NR3C2: variants seen among roughly 807,000 people sequenced by gnomAD.
The protein encoded by NR3C2 is nuclear receptor subfamily 3 group C member 2.
Under a neutral mutation model 86.4 loss-of-function variants are expected in NR3C2, and 15 were observed. The observed-to-expected ratio is 0.17, with a 90% confidence interval of 0.12 to 0.27. The LOEUF (loss-of-function observed/expected upper bound fraction) is 0.27, where lower values mean the gene tolerates loss of function less well. Among genes scored for constraint, NR3C2 ranks in the 10% least tolerant of loss-of-function variants. NR3C2 has a pLI of 1.00. For synonymous variants in NR3C2, 458 were observed against 450.5 expected (o/e 1.02, Z -0.21); for missense variants, 960 against 1,195.6 (o/e 0.80, Z 2.91).
intron 4 of NR3C2, among the ~76,000 whole-genome samples, chr4:148,179,782 G>T (rs17483833): frequency 0.18 from 27,322 of 151,682 alleles, 2,903 homozygotes; most frequent in Middle Eastern, 0.3. Flanking sequence ...AGCCAATCCT[G>T]AATTTCCTCC....
At position 148,168,554 on chromosome 4, in the gene NR3C2, T is replaced by C. The variant is rs1578965296; in HGVS notation, c.2015-13653A>G. ...CCAGAACTGTTATGTAGGAGGGACT[T>C]AGAGAAATGTGTGAAAACACATTTG... On this transcript the variant is annotated intron_variant, in intron 4 of 8. Coordinates refer to ENST00000358102, the MANE Select transcript of NR3C2 (RefSeq NM_000901.5). Among the ~76,000 whole-genome samples, 4 of 152,300 alleles carry C rather than the reference T, an allele frequency of 2.6e-5. No homozygotes were observed. In the South Asian group the frequency reaches 6.2e-4, roughly 24 times the overall value.
intron 2 of NR3C2, among the ~76,000 whole-genome samples, chr4:148,321,978 G>A (rs1438651354): frequency 6.6e-6 from 1 of 152,150 alleles, no homozygotes; most frequent in African/African-American, 2.4e-5. Context: ...TAGTCTTGAT[G>A]GTCTTTACAT....
At chr4:148,135,660 T>A (rs1486759478) in intron 6 of NR3C2, among the ~76,000 whole-genome samples, 1 of 151,364 alleles carries the variant, frequency 6.6e-6, no homozygotes. Context: ...GAAATTTCAC[T>A]GATTTTAAGA....
intron 6 of NR3C2, among the ~76,000 whole-genome samples, chr4:148,133,483 C>G (rs1315255774): frequency 6.6e-6 from 1 of 152,156 alleles, no homozygotes; most frequent in African/African-American, 2.4e-5. Context: ...TACTTGATAA[C>G]TTTGTTCACA....
At chr4:148,144,197 A>G (rs1379450042) in intron 6 of NR3C2, among the ~76,000 whole-genome samples, 1 of 151,956 alleles carries the variant, frequency 6.6e-6, no homozygotes, top group Non-Finnish European at 1.5e-5. Flanking sequence ...AAATGTCTGG[A>G]AATGACTTTT....
intron 2 of NR3C2, among the ~76,000 whole-genome samples, chr4:148,322,946 A>T (rs1360501410): frequency 5.5e-5 from 8 of 146,348 alleles, no homozygotes; most frequent in Non-Finnish European, 1.2e-4. Flanking sequence ...TTGGAGGAGG[A>T]GAGGCGCTCT....
chr4:148,276,364 G>A (rs1160973542), intron 2 of NR3C2, among the ~76,000 whole-genome samples: 1 of 152,070 alleles, frequency 6.6e-6, no homozygotes, highest in Non-Finnish European at 1.5e-5. Context: ...ACTCTGATGT[G>A]CATCTTATCA....
rs566874114 is a variant in NR3C2 at position 148,305,955 on chromosome 4, G to A, written c.1758-45838C>T. On this transcript the variant is annotated intron_variant, in intron 2 of 8. Transcript: ENST00000358102. ...AAAAGAGACTCGCCAGAGCTAGAAG[G>A]CCATGGAAAGGATTCTGAGGACAGA... is the stretch of plus-strand genomic sequence containing the variant. 5.3e-5 allele frequency among the ~76,000 whole-genome samples: 8 copies of A among 152,302 alleles called. No homozygotes were observed. The East Asian group carries it at 1.5e-3, about 29-fold the overall frequency.
chr4:148,359,449 C>G (rs1272894273), intron 2 of NR3C2, among the ~76,000 whole-genome samples: 1 of 152,168 alleles, frequency 6.6e-6, no homozygotes, highest in African/African-American at 2.4e-5. Flanking sequence ...TTCCCCACAA[C>G]AAAGGATTCT....
chr4:148,278,107 TG>T (rs1741046836), intron 2 of NR3C2, among the ~76,000 whole-genome samples: 1 of 152,106 alleles, frequency 6.6e-6, no homozygotes, highest in South Asian at 2.1e-4. Context: ...TTTGTTTGTT[TG>T]TTTGTTTGTT....
chr4:148,275,839 G>A (rs6812904), intron 2 of NR3C2, among the ~76,000 whole-genome samples: 77,319 of 151,964 alleles, frequency 0.51, 21,059 homozygotes, highest in African/African-American at 0.71. Flanking sequence ...CCAAGAGTCA[G>A]GGGACATCAA....
At chr4:148,191,000 G>A (rs549873091) in intron 4 of NR3C2, among the ~76,000 whole-genome samples, 2 of 151,916 alleles carry the variant, frequency 1.3e-5, no homozygotes, top group South Asian at 2.1e-4. Flanking sequence ...GTGAAGTACC[G>A]TTGCATTCAT....
chr4:148,154,942 G>A (rs1272504677), intron 4 of NR3C2, 41 bp from the exon 5 acceptor site: 10 of 1,476,798 alleles, frequency 6.8e-6, no homozygotes, highest in Non-Finnish European at 4.6e-6. Flanking sequence ...TTAAAATTAT[G>A]TTTGAAATAT....
At chr4:148,183,993 T>A (rs528010968) in intron 4 of NR3C2, among the ~76,000 whole-genome samples, 1 of 152,038 alleles carries the variant, frequency 6.6e-6, no homozygotes, top group Non-Finnish European at 1.5e-5. Context: ...GCCGCAGGTA[T>A]CTAGTAGGTA....
At chr4:148,148,451 T>C (rs1733966308) in intron 6 of NR3C2, among the ~76,000 whole-genome samples, 1 of 152,194 alleles carries the variant, frequency 6.6e-6, no homozygotes, top group Non-Finnish European at 1.5e-5. Context: ...TGTCACCCCA[T>C]CACTTAGAAC....
intron 8 of NR3C2, among the ~76,000 whole-genome samples, chr4:148,083,091 A>C (rs1190727597): frequency 6.6e-6 from 1 of 152,174 alleles, no homozygotes; most frequent in Non-Finnish European, 1.5e-5. Flanking sequence ...GGGCTTATAG[A>C]TAAAACCCCA....
At position 148,079,627 on chromosome 4, in the gene NR3C2, TTG is replaced by T. The variant is rs1479646706; in HGVS notation, c.*1715_*1716del. 6.6e-6 allele frequency: 1 copy of T among 152,598 alleles called. No homozygotes were observed. The highest frequency in any genetic ancestry group is 2.4e-5 in the African/African-American group (1 of 41,426). 9.5% of individuals were successfully genotyped at this position (152,598 alleles called of 1,614,324 possible). A position where few individuals can be genotyped will look rare whatever the true frequency, so the allele number is the denominator to read the frequency against. On this transcript the variant is annotated 3_prime_UTR_variant, in exon 9 of 9. Transcript: ENST00000358102. ...TTAGTTTCCCCAAAGATACATATGT[TTG>T]TGATTTGGGGCAAGAGAAAAGCCAT...
chr4:148,297,487 T>C (rs892114769), intron 2 of NR3C2, among the ~76,000 whole-genome samples: 1 of 152,192 alleles, frequency 6.6e-6, no homozygotes, highest in Non-Finnish European at 1.5e-5. Context: ...AGGCTGGGCA[T>C]GGTGGCTCAT....
intron 2 of NR3C2, among the ~76,000 whole-genome samples, chr4:148,378,514 T>A (rs950580769): frequency 1.3e-5 from 2 of 152,154 alleles, no homozygotes; most frequent in African/African-American, 4.8e-5. Flanking sequence ...TGGGGGTGGA[T>A]CCCTCATGAA....
Sources: allele counts gnomAD v4.1 joint callset (sites outside exome capture counted in the v4.1 genomes callset), GRCh38; gene constraint gnomAD v4.1.1; transcripts MANE v1.5; gene names NCBI Gene and HGNC (gene_info 2026-07-23, HGNC 2026-07-21).